RXFP1: variants seen among roughly 807,000 people sequenced by gnomAD.
RXFP1 encodes relaxin family peptide receptor 1.
A neutral mutation model predicts 89.8 loss-of-function variants in RXFP1; 73 were observed. The observed-to-expected ratio is 0.81, with a 90% confidence interval of 0.67 to 0.99. The LOEUF is 0.99. RXFP1 is among the 50% of genes least tolerant of loss of function. The pLI is 0.00. For synonymous variants in RXFP1, 277 were observed against 305.5 expected, an observed-to-expected ratio of 0.91 and a Z score of 0.97; for missense variants, 793 against 895.5, an observed-to-expected ratio of 0.89 and a Z score of 1.46.
chr4:158,592,786 G>C (rs1759757401), intron 2 of RXFP1, among the ~76,000 whole-genome samples: 1 of 151,770 alleles, frequency 6.6e-6, no homozygotes, highest in Non-Finnish European at 1.5e-5. Context: ...AACACCTATA[G>C]TGCTTGTTAA....
At chr4:158,571,385 G>T (rs968572763) in intron 1 of RXFP1, among the ~76,000 whole-genome samples, 9 of 152,346 alleles carry the variant, frequency 5.9e-5, no homozygotes, top group Middle Eastern at 3.4e-3. Flanking sequence ...GGGTAAAAGA[G>T]GCTGGGCGCG....
chr4:158,589,587 TCAAA>T (rs1759011826), intron 2 of RXFP1, among the ~76,000 whole-genome samples: 1 of 152,136 alleles, frequency 6.6e-6, no homozygotes, highest in African/African-American at 2.4e-5. Flanking sequence ...TCATGTGTCT[TCAAA>T]CAAACTACAA....
chr4:158,626,111 TATAGATAGATAGATAGATAGATAGATAG>T (rs71587463), intron 9 of RXFP1, among the ~76,000 whole-genome samples: 9 of 136,594 alleles, frequency 6.6e-5, no homozygotes, highest in East Asian at 2.2e-4. Context: ...TAGATATCTA[TATAGATAGATAGATAGATAGATAGATAG>T]ATAGATAGAT....
chr4:158,608,155 G>A (rs2150119551), intron 6 of RXFP1, 112 bp downstream of exon 6: 1 of 671,020 alleles, frequency 1.5e-6, no homozygotes, highest in South Asian at 2.0e-5. Context: ...CCATGCAAGT[G>A]ATGCTGAAGG....
chr4:158,616,960 C>T (rs1333197374), intron 8 of RXFP1, among the ~76,000 whole-genome samples, 171 bp from the exon 9 acceptor site: 1 of 147,796 alleles, frequency 6.8e-6, no homozygotes, highest in Non-Finnish European at 1.5e-5. Flanking sequence ...GATCGTGTCA[C>T]ACCACTCCAG....
At chr4:158,617,320 C>A in intron 9 of RXFP1, 115 bp downstream of exon 9, 1 of 658,128 alleles carries the variant, frequency 1.5e-6, no homozygotes, top group South Asian at 2.4e-5. Flanking sequence ...GTTTTAGTAT[C>A]ATATCACATT....
chr4:158,640,605 G>C (rs1314135404), intron 14 of RXFP1, among the ~76,000 whole-genome samples: 1 of 152,050 alleles, frequency 6.6e-6, no homozygotes, highest in Non-Finnish European at 1.5e-5. Flanking sequence ...CTGCAGGAAG[G>C]ACACCACACC....
intron 8 of RXFP1, among the ~76,000 whole-genome samples, chr4:158,612,712 G>A (rs907606250): frequency 3.3e-5 from 5 of 151,752 alleles, no homozygotes; most frequent in African/African-American, 1.2e-4. Context: ...CTGGGTTCAA[G>A]CCATTCTCCT....
intron 2 of RXFP1, among the ~76,000 whole-genome samples, chr4:158,583,151 A>T (rs1757694512): frequency 6.6e-6 from 1 of 152,232 alleles, no homozygotes; most frequent in Non-Finnish European, 1.5e-5. Flanking sequence ...AATCCATGAG[A>T]ATTAGATAAG....
chr4:158,601,104 C>T lies in RXFP1; in HGVS notation c.392+1673C>T, dbSNP rs539213314. ...GGCATGCCCCACACAAAGGTTGAAT[C>T]ATTGAATTAATTCCCATTCAATTTT... On this transcript the variant is annotated intron_variant, in intron 4 of 17. Transcript: ENST00000307765. Among the ~76,000 whole-genome samples the T allele has an allele frequency of 3.3e-5, 5 of 151,680 alleles. No homozygotes were observed. The South Asian group carries it at 1.0e-3, about 32-fold the overall frequency.
chr4:158,616,553 ATTT>A (rs150214475), intron 8 of RXFP1, among the ~76,000 whole-genome samples: 1,971 of 133,334 alleles, frequency 0.015, 43 homozygotes, highest in African/African-American at 0.05. Flanking sequence ...GGTTTAGGCT[ATTT>A]TTTTTTTTTT....
intron 8 of RXFP1, among the ~76,000 whole-genome samples, chr4:158,615,053 A>G (rs1315711537): frequency 6.6e-6 from 1 of 152,058 alleles, no homozygotes; most frequent in Non-Finnish European, 1.5e-5. Flanking sequence ...ATTTAACATA[A>G]TTCTTGAGGG....
intron 1 of RXFP1, among the ~76,000 whole-genome samples, chr4:158,522,449 G>A (rs963597262): frequency 6.6e-6 from 1 of 152,142 alleles, no homozygotes; most frequent in Admixed American, 6.6e-5. Context: ...TATCATAGGT[G>A]TGCTTCTGGG....
intron 1 of RXFP1, among the ~76,000 whole-genome samples, chr4:158,522,909 C>A (rs1321248100): frequency 6.6e-6 from 1 of 152,122 alleles, no homozygotes; most frequent in Non-Finnish European, 1.5e-5. Context: ...ACTCTGAGCT[C>A]TTCTATTAAG....
intron 11 of RXFP1, among the ~76,000 whole-genome samples, chr4:158,633,031 G>T (rs550838090): frequency 6.6e-6 from 1 of 151,976 alleles, no homozygotes; most frequent in African/African-American, 2.4e-5. Context: ...TTAGCCAGGC[G>T]TGGTAGCACA....
In RXFP1 at chr4:158,567,002, C is replaced by T. The variant is rs941360495; in HGVS notation, c.50-5696C>T. Among the ~76,000 whole-genome samples the T allele has an allele frequency of 2.6e-5, 4 of 152,306 alleles. No homozygotes were observed. In the East Asian group the frequency reaches 5.8e-4, roughly 22 times the overall value. ...AGCGCTTGCAGGCCAGCGCCAGTTC[C>T]GGGTGGGCATGGGCTCTGTGGCCAG... On this transcript the variant is annotated intron_variant, in intron 1 of 17. Coordinates refer to ENST00000307765, the MANE Select transcript of RXFP1 (RefSeq NM_021634.4).
intron 1 of RXFP1, among the ~76,000 whole-genome samples, chr4:158,545,721 G>T (rs1411814327): frequency 3.3e-5 from 5 of 152,118 alleles, no homozygotes; most frequent in African/African-American, 9.7e-5. Context: ...TTTCCCCATT[G>T]CTTGTTTTTG....
chr4:158,626,731 G>A lies in RXFP1; in HGVS notation c.756-89G>A, dbSNP rs1766923621. 5.1e-5 allele frequency: 39 copies of A among 765,600 alleles called. 1 individual carries two copies. In the South Asian group the frequency reaches 6.9e-4, roughly 14 times the overall value. 47.4% of individuals were successfully genotyped at this position (765,600 alleles called of 1,614,324 possible). On this transcript the variant is annotated intron_variant, in intron 9 of 17. Transcript: ENST00000307765. Reference sequence around the variant, plus strand: ...TGAAATAAACAGTATGTAAAGAAAAGATATTTTATTAGAAGGCAAATAATT... The same window carrying A: ...TGAAATAAACAGTATGTAAAGAAAAAATATTTTATTAGAAGGCAAATAATT...
At chr4:158,646,220 C>A in intron 15 of RXFP1, 3 of 343,690 alleles carry the variant, frequency 8.7e-6, no homozygotes, top group East Asian at 9.5e-5. Flanking sequence ...TTGCTTAGAC[C>A]AACTCTGGTA....
Sources: gnomAD v4.1 joint callset for allele counts (sites outside exome capture counted in the v4.1 genomes callset) on GRCh38, gnomAD v4.1.1 for gene constraint, MANE v1.5 for transcripts, NCBI Gene and HGNC (gene_info 2026-07-23, HGNC 2026-07-21) for gene names.